MGAT5: variants seen among roughly 807,000 people sequenced by gnomAD.
MGAT5 encodes alpha-1,6-mannosylglycoprotein 6-beta-N-acetylglucosaminyltransferase.
A neutral mutation model predicts 94.3 loss-of-function variants in MGAT5; 30 were observed. That is an observed-to-expected ratio of 0.32 (90% CI 0.24 to 0.43). MGAT5 has a LOEUF of 0.43. Ranked by LOEUF, MGAT5 falls within the 20% of genes least tolerant of loss-of-function variation. MGAT5 has a pLI of 1.00. For missense variants in MGAT5, 691 were observed against 905.5 expected (o/e 0.76, Z 3.04); for synonymous variants, 310 against 322.9 (o/e 0.96, Z 0.43).
intron 1 of MGAT5, among the ~76,000 whole-genome samples, chr2:134,263,220 G>C (rs976358083): frequency 4.6e-5 from 7 of 152,098 alleles, no homozygotes; most frequent in Non-Finnish European, 1.0e-4. Flanking sequence ...AAAATTCTTG[G>C]TTCCTATTCC....
chr2:134,442,291 C>A (rs1424954496), intron 15 of MGAT5, among the ~76,000 whole-genome samples: 1 of 152,096 alleles, frequency 6.6e-6, no homozygotes, highest in Non-Finnish European at 1.5e-5. Context: ...GCTCCTCAGA[C>A]CCCTGCTGGT....
At chr2:134,347,520 A>C (rs1235432726) in intron 8 of MGAT5, among the ~76,000 whole-genome samples, 1 of 152,242 alleles carries the variant, frequency 6.6e-6, no homozygotes, top group Admixed American at 6.5e-5. Flanking sequence ...GCTAGAGAAG[A>C]GTATATCGTT....
intron 12 of MGAT5, among the ~76,000 whole-genome samples, chr2:134,418,555 TC>T (rs1411421093): frequency 2.6e-5 from 4 of 152,214 alleles, no homozygotes; most frequent in African/African-American, 7.2e-5. Context: ...AATGTACATT[TC>T]CTGTTTTCCA....
At chr2:134,364,208 G>A (rs72980017) in intron 10 of MGAT5, among the ~76,000 whole-genome samples, 11,097 of 152,184 alleles carry the variant, frequency 0.073, 1,293 homozygotes, top group African/African-American at 0.24. Context: ...CATGCCAGTA[G>A]GAATTCCGAG....
At chr2:134,412,576 T>A (rs988050712) in intron 11 of MGAT5, among the ~76,000 whole-genome samples, 7 of 152,110 alleles carry the variant, frequency 4.6e-5, no homozygotes, top group Non-Finnish European at 8.8e-5. Context: ...CTTTTAATAC[T>A]CCATCCTCCC....
chr2:134,287,532 G>T (rs1375363545), intron 2 of MGAT5, among the ~76,000 whole-genome samples: 1 of 152,152 alleles, frequency 6.6e-6, no homozygotes, highest in African/African-American at 2.4e-5. Flanking sequence ...GCTGGCAGCT[G>T]CTGGGCCACC....
chr2:134,290,623 T>TC (rs1236752363), intron 2 of MGAT5, among the ~76,000 whole-genome samples: 2 of 152,354 alleles, frequency 1.3e-5, no homozygotes, highest in East Asian at 3.9e-4. Flanking sequence ...TGGTTTTACT[T>TC]TACAAGGGGT....
rs1387047559 is a variant in MGAT5, at chr2:134,340,106, T to G, written c.808-1484T>G. ...AAACACTATGACCTTGAGTTTGAAT[T>G]GGAAGCACCAGTCTAAACTCATGAT... On this transcript the variant is annotated intron_variant, in intron 6 of 15. Coordinates refer to ENST00000281923, the MANE Select transcript of MGAT5 (RefSeq NM_002410.5). 5.9e-5 allele frequency among the ~76,000 whole-genome samples: 9 copies of G among 152,150 alleles called. No homozygotes were observed. The East Asian group carries it at 1.7e-3, about 29-fold the overall frequency.
intron 1 of MGAT5, among the ~76,000 whole-genome samples, chr2:134,213,321 GC>G (rs939274974): frequency 6.7e-6 from 1 of 149,168 alleles, no homozygotes; most frequent in South Asian, 2.2e-4. Flanking sequence ...AGACTTGGGA[GC>G]CCCCCCGCCC....
intron 8 of MGAT5, 128 bp from the exon 9 acceptor site, chr2:134,349,677 G>T (rs750021370): frequency 4.6e-5 from 47 of 1,021,036 alleles, no homozygotes; most frequent in Admixed American, 1.2e-4. Flanking sequence ...CACAATTCTT[G>T]TCTGGTCCTG....
chr2:134,445,338 A>G (rs1394260908), intron 15 of MGAT5, among the ~76,000 whole-genome samples: 1 of 152,116 alleles, frequency 6.6e-6, no homozygotes, highest in Non-Finnish European at 1.5e-5. Context: ...TGCTGCACTC[A>G]GAGCAGCCCA....
rs116534517 is a variant in MGAT5, at chr2:134,282,340, G to T, written c.406+11790G>T. ...GCACCTGGGGATTAATTTAGCATGG[G>T]TTTTCATGCCCCCGGGCTACCAGTG... is the stretch of plus-strand genomic sequence containing the variant. On this transcript the variant is annotated intron_variant, in intron 2 of 15. Transcript: ENST00000281923. Among the ~76,000 whole-genome samples the T allele has an allele frequency of 5.6e-3, 856 of 152,274 alleles. 12 individuals carry two copies. Among genetic ancestry groups the T allele is most frequent in the African/African-American group, 0.02 (822 of 41,536 alleles).
chr2:134,430,969 C>T (rs1226321427), intron 14 of MGAT5, among the ~76,000 whole-genome samples: 2 of 152,120 alleles, frequency 1.3e-5, no homozygotes, highest in South Asian at 2.1e-4. Flanking sequence ...CCCAGCCCGC[C>T]GAGGGAGGAC....
chr2:134,381,524 CAGACAGACAGACAGAT>C (rs1247172463), intron 10 of MGAT5, among the ~76,000 whole-genome samples: 10 of 81,124 alleles, frequency 1.2e-4, no homozygotes, highest in African/African-American at 2.4e-4. Context: ...GACAGACAGA[CAGACAGACAGACAGAT>C]AGATAGATAG....
At chr2:134,342,129 T>A (rs1688667633) in intron 7 of MGAT5, among the ~76,000 whole-genome samples, 1 of 152,188 alleles carries the variant, frequency 6.6e-6, no homozygotes, top group Admixed American at 6.5e-5. Flanking sequence ...TCTTGCTAAA[T>A]CTTGAAACAG....
rs371901128 is a variant in MGAT5, at chr2:134,317,501, A to G, written c.407-28A>G. ...GCTTGTGTTTTATAGATCTCATTGT[A>G]TCCTTTGTTGTTTTTCATTCTTCAC... is the stretch of plus-strand genomic sequence containing the variant. On this transcript the variant is annotated intron_variant, in intron 2 of 15. Coordinates refer to ENST00000281923, the MANE Select transcript of MGAT5 (RefSeq NM_002410.5). The G allele has an allele frequency of 3.4e-6, 5 of 1,487,888 alleles. No individual in the cohort carries two copies. The African/African-American group carries it at 5.7e-5, about 17-fold the overall frequency. The allele number at this position is 1,487,888 out of a possible 1,614,324, so 92.2% of individuals were successfully genotyped here.
intron 10 of MGAT5, among the ~76,000 whole-genome samples, chr2:134,393,198 G>A (rs540094545): frequency 1.2e-3 from 177 of 152,294 alleles, no homozygotes; most frequent in African/African-American, 4.1e-3. Context: ...CAGAGAACTG[G>A]AATAAAAACA....
intron 14 of MGAT5, among the ~76,000 whole-genome samples, chr2:134,440,998 A>G (rs550855800): frequency 1.4e-3 from 206 of 152,300 alleles, no homozygotes; most frequent in African/African-American, 4.9e-3. Flanking sequence ...ATGTTTTTTG[A>G]CAAGAAATGT....
chr2:134,136,672 G>A (rs1686425578), intron 1 of MGAT5, among the ~76,000 whole-genome samples: 1 of 152,116 alleles, frequency 6.6e-6, no homozygotes, highest in South Asian at 2.1e-4. Flanking sequence ...TTTATTTTAT[G>A]CATTAAAAAA....
Sources: gnomAD v4.1 joint callset for allele counts (sites outside exome capture counted in the v4.1 genomes callset) on GRCh38, gnomAD v4.1.1 for gene constraint, MANE v1.5 for transcripts, NCBI Gene and HGNC (gene_info 2026-07-23, HGNC 2026-07-21) for gene names.